Variants in CFAP61 observed in about 807,000 individuals in gnomAD.
CFAP61 encodes the protein cilia and flagella associated protein 61, also known as cilia- and flagella-associated protein 61.
In CFAP61, 107 loss-of-function variants were observed where a neutral mutation model predicts 135.6. The ratio of observed to expected loss-of-function variants is 0.79; its 90% CI spans 0.67 to 0.93. The LOEUF is 0.93. Among genes scored for constraint, CFAP61 ranks in the 40% least tolerant of loss-of-function variants. The pLI is 0.00. For missense variants in CFAP61, 1,507 were observed against 1,556.2 expected, an observed-to-expected ratio of 0.97 and a Z score of 0.53; for synonymous variants, 575 against 578.5, an observed-to-expected ratio of 0.99 and a Z score of 0.09.
At chr20:20,324,136 T>G (rs1334068337) in intron 25 of CFAP61, among the ~76,000 whole-genome samples, 1 of 152,218 alleles carries the variant, frequency 6.6e-6, no homozygotes, top group Non-Finnish European at 1.5e-5. Context: ...CAATGTATTT[T>G]TATTGAACAA....
intron 17 of CFAP61, among the ~76,000 whole-genome samples, chr20:20,217,616 C>T (rs1351689287): frequency 2.6e-5 from 4 of 152,174 alleles, no homozygotes; most frequent in Non-Finnish European, 5.9e-5. Flanking sequence ...GAGGCCTAAG[C>T]CAGCAGAGCA....
intron 7 of CFAP61, among the ~76,000 whole-genome samples, chr20:20,095,845 C>T (rs1271361559): frequency 1.3e-5 from 2 of 152,136 alleles, no homozygotes; most frequent in African/African-American, 2.4e-5. Flanking sequence ...AATATTGTCA[C>T]CCAAAAGGGA....
In CFAP61 at chr20:20,231,429, G is replaced by A. The variant is rs561400831; in HGVS notation, c.2060+3053G>A. 5.3e-5 allele frequency among the ~76,000 whole-genome samples: 8 copies of A among 152,100 alleles called. No individual in the cohort carries two copies. In the East Asian group the frequency reaches 5.8e-4, roughly 11 times the overall value. Reference sequence around the variant, plus strand: ...TCTTTTACTTCCCCTGCTGTCCTCCGTGCCCTCCTGCTCCTGGCCCTGGTG... The same window carrying A: ...TCTTTTACTTCCCCTGCTGTCCTCCATGCCCTCCTGCTCCTGGCCCTGGTG... On this transcript the variant is annotated intron_variant, in intron 18 of 26. Transcript: ENST00000245957.
rs765386945 is a variant in CFAP61 at position 20,228,236 on chromosome 20, A to AT, written c.1933-5dup. 3.3e-5 allele frequency: 53 copies of AT among 1,585,254 alleles called. No homozygotes were observed. The highest frequency in any genetic ancestry group is 6.8e-5 in the South Asian group (6 of 88,702). On this transcript the variant is annotated splice_polypyrimidine_tract_variant and intron_variant, in intron 17 of 26. Transcript: ENST00000245957. ...TCTTTGACTCCTTCTTTGTCTTCGT[A>AT]TTTTTTTTCCAGATGAGTTATGCTT... is the stretch of plus-strand genomic sequence containing the variant.
intron 10 of CFAP61, 93 bp downstream of exon 10, chr20:20,159,537 C>A: frequency 9.0e-7 from 1 of 1,105,274 alleles, no homozygotes; most frequent in South Asian, 1.3e-5. Context: ...TTCCTCCTCC[C>A]AATCTCCCTG....
At chr20:20,260,352 A>C (rs2052059335) in intron 20 of CFAP61, among the ~76,000 whole-genome samples, 2 of 152,238 alleles carry the variant, frequency 1.3e-5, no homozygotes, top group African/African-American at 4.8e-5. Context: ...TCAATGAAAG[A>C]ACACAGTAAA....
chr20:20,070,826 A>C, intron 2 of CFAP61, 28 bp from the exon 3 acceptor site: 1 of 1,599,622 alleles, frequency 6.3e-7, no homozygotes, highest in Non-Finnish European at 8.5e-7. Context: ...AATCTTATTC[A>C]TGTTTGCAAT....
At chr20:20,230,237 C>G (rs1034415089) in intron 18 of CFAP61, among the ~76,000 whole-genome samples, 1 of 152,176 alleles carries the variant, frequency 6.6e-6, no homozygotes, top group Non-Finnish European at 1.5e-5. Context: ...CTAAAATACT[C>G]ATAATTCTCT....
At chr20:20,297,429 G>A (rs978178875) in intron 24 of CFAP61, among the ~76,000 whole-genome samples, 3 of 152,200 alleles carry the variant, frequency 2.0e-5, no homozygotes. Flanking sequence ...CAAAACTCAT[G>A]TTTGTCTACA....
intron 25 of CFAP61, among the ~76,000 whole-genome samples, chr20:20,320,739 A>G (rs1246778893): frequency 6.6e-6 from 1 of 150,424 alleles, no homozygotes; most frequent in East Asian, 1.9e-4. Flanking sequence ...CTTAAACATA[A>G]TTTAAAATTC....
rs565065709 is a variant in CFAP61 at position 20,154,338 on chromosome 20, A to T, written c.952-5032A>T. On this transcript the variant is annotated intron_variant, in intron 9 of 26. Coordinates refer to ENST00000245957, the MANE Select transcript of CFAP61 (RefSeq NM_015585.4). The stretch of plus-strand genomic sequence containing the variant: ...TTTCACCACTTTTATTCAACATAGT[A>T]CTTAATGTCCTAGCCAGAGCAATTA... Among the ~76,000 whole-genome samples, 5 of 152,264 alleles carry T rather than the reference A, an allele frequency of 3.3e-5. No individual in the cohort carries two copies. In the East Asian group the frequency reaches 9.6e-4, roughly 29 times the overall value.
At chr20:20,176,078 A>G (rs755504628) in intron 13 of CFAP61, among the ~76,000 whole-genome samples, 6 of 152,180 alleles carry the variant, frequency 3.9e-5, no homozygotes, top group Non-Finnish European at 5.9e-5. Context: ...GAAGACATTC[A>G]TGCAGCCAAC....
rs533233994 is a variant in CFAP61, at chr20:20,297,852, C to T, written c.3217-329C>T. 5.9e-5 allele frequency among the ~76,000 whole-genome samples: 9 copies of T among 152,310 alleles called. No individual in the cohort carries two copies. In the South Asian group the frequency reaches 1.7e-3, roughly 28 times the overall value. ...GCAAAGAAATTTAACAGTGTTAAAA[C>T]ACCTCAGAGGAGAGAATAAACCCAG... is the stretch of plus-strand genomic sequence containing the variant. On this transcript the variant is annotated intron_variant, in intron 24 of 26. Transcript: ENST00000245957.
At chr20:20,197,675 G>C (rs988514621) in intron 16 of CFAP61, among the ~76,000 whole-genome samples, 1 of 151,712 alleles carries the variant, frequency 6.6e-6, no homozygotes, top group Admixed American at 6.6e-5. Context: ...GTGTCTGGTT[G>C]TTCCACAGGA....
In CFAP61 at chr20:20,103,943, A is replaced by T. The variant is rs550487870; in HGVS notation, c.859+5129A>T. Among the ~76,000 whole-genome samples, 5 of 152,340 alleles carry T rather than the reference A, an allele frequency of 3.3e-5. No homozygotes were observed. The East Asian group carries it at 9.6e-4, about 29-fold the overall frequency. On this transcript the variant is annotated intron_variant, in intron 8 of 26. Coordinates refer to ENST00000245957, the MANE Select transcript of CFAP61 (RefSeq NM_015585.4). ...GCAAAAAACAAAACTTTTGTTCCTC[A>T]TGTAGGCCGTTGAGATCTGGGCAGC... is the stretch of plus-strand genomic sequence containing the variant.
intron 2 of CFAP61, among the ~76,000 whole-genome samples, chr20:20,066,651 G>A (rs984761007): frequency 2.0e-5 from 3 of 152,010 alleles, no homozygotes; most frequent in Admixed American, 2.0e-4. Context: ...CACAGGGAGG[G>A]GAACATCACG....
chr20:20,099,772 C>A (rs1439775649), intron 8 of CFAP61, among the ~76,000 whole-genome samples: 1 of 152,092 alleles, frequency 6.6e-6, no homozygotes, highest in Admixed American at 6.5e-5. Flanking sequence ...AAGATTACAC[C>A]AAGATTGTTC....
At chr20:20,085,441 TC>T in intron 6 of CFAP61, 2 of 1,365,428 alleles carry the variant, frequency 1.5e-6, no homozygotes, top group East Asian at 9.1e-5. Flanking sequence ...AACAAGTTCC[TC>T]TTTATCCATT....
chr20:20,140,977 C>T (rs1200208796), intron 8 of CFAP61, among the ~76,000 whole-genome samples: 1 of 150,112 alleles, frequency 6.7e-6, no homozygotes, highest in Middle Eastern at 3.5e-3. Context: ...GGCTATAGTG[C>T]AGTGGCACAA....
Sources: gnomAD v4.1 joint callset for allele counts (sites outside exome capture counted in the v4.1 genomes callset) on GRCh38, gnomAD v4.1.1 for gene constraint, MANE v1.5 for transcripts, NCBI Gene and HGNC (gene_info 2026-07-23, HGNC 2026-07-21) for gene names.